Variants in AUTS2 observed in about 807,000 individuals in gnomAD.
AUTS2 encodes activator of transcription and developmental regulator AUTS2.
A neutral mutation model predicts 112.4 loss-of-function variants in AUTS2; 17 were observed. That is an observed-to-expected ratio of 0.15 (90% CI 0.10 to 0.23). The LOEUF is 0.23. Among genes scored for constraint, AUTS2 ranks in the 10% least tolerant of loss-of-function variants. AUTS2 has a pLI of 1.00. For missense variants in AUTS2, 1,510 were observed against 1,701.6 expected, an observed-to-expected ratio of 0.89 and a Z score of 1.98; for synonymous variants, 751 against 702.7, an observed-to-expected ratio of 1.07 and a Z score of -1.09.
At chr7:70,355,770 G>A (rs1791982854) in intron 4 of AUTS2, among the ~76,000 whole-genome samples, 1 of 152,076 alleles carries the variant, frequency 6.6e-6, no homozygotes, top group African/African-American at 2.4e-5. Context: ...CACTAATATA[G>A]GGTTCACTTT....
rs79338184 is a variant in AUTS2 at position 69,686,032 on chromosome 7, G to C, written c.309+86070G>C. Among the ~76,000 whole-genome samples the C allele has an allele frequency of 2.8e-3, 432 of 152,308 alleles. 2 individuals carry two copies. Among genetic ancestry groups the C allele is most frequent in the African/African-American group, 9.6e-3 (399 of 41,566 alleles). On this transcript the variant is annotated intron_variant, in intron 1 of 18. Transcript: ENST00000342771. ...GTTTTCAAATATTTAGGAGGCTACT[G>C]TCAGGAAGGAGGGATATTAGACTTC...
At chr7:69,638,462 T>C (rs1158758388) in intron 1 of AUTS2, among the ~76,000 whole-genome samples, 1 of 152,238 alleles carries the variant, frequency 6.6e-6, no homozygotes, top group Non-Finnish European at 1.5e-5. Flanking sequence ...TGTATGTTTT[T>C]CCCTTGATAT....
intron 6 of AUTS2, among the ~76,000 whole-genome samples, chr7:70,717,684 C>T (rs1395525987): frequency 6.6e-6 from 1 of 152,190 alleles, no homozygotes; most frequent in Non-Finnish European, 1.5e-5. Flanking sequence ...GTAGCTTCCT[C>T]TTTGAAGCAC....
chr7:70,723,515 C>T (rs1326720208), intron 6 of AUTS2, among the ~76,000 whole-genome samples: 1 of 151,996 alleles, frequency 6.6e-6, no homozygotes, highest in Non-Finnish European at 1.5e-5. Flanking sequence ...CACTCTTAGC[C>T]ACTCTGTTAA....
At chr7:69,609,341 A>G (rs546222761) in intron 1 of AUTS2, among the ~76,000 whole-genome samples, 207 of 152,366 alleles carry the variant, frequency 1.4e-3, no homozygotes, top group Non-Finnish European at 2.5e-3. Flanking sequence ...CACAATATCA[A>G]GAACCTTTAA....
At chr7:69,628,744 C>G (rs1304395929) in intron 1 of AUTS2, among the ~76,000 whole-genome samples, 1 of 152,114 alleles carries the variant, frequency 6.6e-6, no homozygotes, top group Non-Finnish European at 1.5e-5. Context: ...AGAACAGCAG[C>G]AAATGGAGAA....
At chr7:70,040,312 C>A (rs1801191752) in intron 2 of AUTS2, among the ~76,000 whole-genome samples, 1 of 151,974 alleles carries the variant, frequency 6.6e-6, no homozygotes, top group Admixed American at 6.5e-5. Context: ...ACAGGAAGTA[C>A]ATGGGAACTC....
chr7:70,063,364 A>G (rs1311833563), intron 2 of AUTS2, among the ~76,000 whole-genome samples: 2 of 152,138 alleles, frequency 1.3e-5, no homozygotes, highest in Non-Finnish European at 2.9e-5. Flanking sequence ...ATCCATTTAC[A>G]CATTTAACAG....
chr7:70,541,958 G>A (rs1182386266), intron 5 of AUTS2, among the ~76,000 whole-genome samples: 1 of 152,214 alleles, frequency 6.6e-6, no homozygotes, highest in Admixed American at 6.5e-5. Flanking sequence ...ATCAGTGGCT[G>A]ATGTGAATGT....
chr7:70,164,059 C>A (rs866633719), intron 4 of AUTS2, among the ~76,000 whole-genome samples: 18 of 152,248 alleles, frequency 1.2e-4, no homozygotes, highest in South Asian at 4.2e-4. Context: ...TACTTAGGTC[C>A]TACTGTAAGT....
intron 2 of AUTS2, among the ~76,000 whole-genome samples, chr7:69,906,299 A>G (rs1213981598): frequency 1.3e-5 from 2 of 152,254 alleles, no homozygotes; most frequent in Non-Finnish European, 2.9e-5. Context: ...AAAGAACATG[A>G]AATAAGCCTC....
chr7:69,866,829 G>A lies in AUTS2; in HGVS notation c.310-32457G>A, dbSNP rs145830016. ...GGGGATTTTCTAGCATAGCCTATGG[G>A]TTGTGGTTTGCCCAGCAACACCTTA... On this transcript the variant is annotated intron_variant, in intron 1 of 18. Transcript: ENST00000342771. Among the ~76,000 whole-genome samples the A allele has an allele frequency of 2.1e-3, 324 of 152,318 alleles. 1 individual carries two copies. The highest frequency in any genetic ancestry group is 7.4e-3 in the African/African-American group (306 of 41,580).
chr7:70,714,852 A>G (rs1371813739), intron 6 of AUTS2, among the ~76,000 whole-genome samples: 1 of 152,236 alleles, frequency 6.6e-6, no homozygotes, highest in Non-Finnish European at 1.5e-5. Context: ...CACATCTGGG[A>G]ACACACAGTG....
At chr7:69,821,009 A>C (rs1790966182) in intron 1 of AUTS2, among the ~76,000 whole-genome samples, 1 of 152,176 alleles carries the variant, frequency 6.6e-6, no homozygotes, top group Non-Finnish European at 1.5e-5. Flanking sequence ...ATAACGTGAG[A>C]TTCTCAAGAG....
intron 2 of AUTS2, among the ~76,000 whole-genome samples, chr7:70,005,114 C>T (rs909864128): frequency 4.6e-5 from 7 of 151,984 alleles, no homozygotes; most frequent in Non-Finnish European, 7.4e-5. Context: ...TGCGAGCCAC[C>T]GCGTCTGACT....
chr7:70,432,939 G>A (rs1352341647), intron 4 of AUTS2, among the ~76,000 whole-genome samples: 1 of 152,144 alleles, frequency 6.6e-6, no homozygotes, highest in Non-Finnish European at 1.5e-5. Context: ...CTCCACGACT[G>A]GCCTTGTCGA....
intron 4 of AUTS2, among the ~76,000 whole-genome samples, chr7:70,311,766 G>A (rs928338514): frequency 2.0e-5 from 3 of 152,108 alleles, no homozygotes; most frequent in Admixed American, 1.3e-4. Flanking sequence ...GCCCAGGCTG[G>A]AGTGCAGTGG....
intron 2 of AUTS2, among the ~76,000 whole-genome samples, chr7:70,059,865 G>T (rs572711415): frequency 4.6e-5 from 7 of 152,138 alleles, no homozygotes; most frequent in Non-Finnish European, 1.0e-4. Flanking sequence ...AGTCAAGCTC[G>T]CTTAGTTCCA....
chr7:70,623,205 A>C (rs1167568780), intron 5 of AUTS2, among the ~76,000 whole-genome samples: 3 of 152,224 alleles, frequency 2.0e-5, no homozygotes, highest in Non-Finnish European at 2.9e-5. Flanking sequence ...ATTCTACAAA[A>C]TGTACTTGGT....
Sources: gnomAD v4.1 joint callset for allele counts (sites outside exome capture counted in the v4.1 genomes callset) on GRCh38, gnomAD v4.1.1 for gene constraint, MANE v1.5 for transcripts, NCBI Gene and HGNC (gene_info 2026-07-23, HGNC 2026-07-21) for gene names.